Variants in SAMD14 observed in about 807,000 individuals in gnomAD.
The protein encoded by SAMD14 is sterile alpha motif domain-containing protein 14.
Under a neutral mutation model 46.2 loss-of-function variants are expected in SAMD14, and 27 were observed. The observed-to-expected ratio is 0.58, with a 90% CI of 0.43 to 0.81. The LOEUF is 0.81. SAMD14 is among the 30% of genes least tolerant of loss of function. The probability of loss-of-function intolerance (pLI) is 0.00; values close to 1 mark genes in which losing one functional copy is unlikely to be tolerated. For synonymous variants in SAMD14, 241 were observed against 254.3 expected, an observed-to-expected ratio of 0.95 and a Z score of 0.50; for missense variants, 559 against 582.2, an observed-to-expected ratio of 0.96 and a Z score of 0.41.
intron 9 of SAMD14, 185 bp from the exon 10 acceptor site, chr17:50,113,233 G>T: frequency 1.5e-6 from 1 of 645,350 alleles, no homozygotes; most frequent in Non-Finnish European, 2.6e-6. Context: ...AATTTGGAAT[G>T]AGTGTGGTTG....
rs182573434 is a variant in SAMD14, at chr17:50,125,043, G to C, written c.-12-72C>G. On this transcript the variant is annotated intron_variant, in intron 1 of 9. Coordinates refer to ENST00000330175, the MANE Select transcript of SAMD14 (RefSeq NM_001257359.2). ...GAGATTCAGGCTGACCGAGGCAGAA[G>C]AGATGTGGAAGGCTACCTGCTCCAG... 3.5e-6 allele frequency: 5 copies of C among 1,425,418 alleles called. No individual in the cohort carries two copies. In the Admixed American group the frequency reaches 6.8e-5, roughly 19 times the overall value. 88.3% of individuals were successfully genotyped at this position (1,425,418 alleles called of 1,614,324 possible).
chr17:50,125,491 C>T (rs1404500975), intron 1 of SAMD14: 5 of 167,528 alleles, frequency 3.0e-5, no homozygotes, highest in Admixed American at 2.9e-4. Flanking sequence ...CCAGGTTCTA[C>T]CATCCGTCTA....
chr17:50,121,713 G>C (rs1911510243), intron 2 of SAMD14, among the ~76,000 whole-genome samples: 1 of 152,186 alleles, frequency 6.6e-6, no homozygotes, highest in African/African-American at 2.4e-5. Flanking sequence ...ATGCTATTCA[G>C]CTCTCTATTC....
Position 50,112,945 on chromosome 17 carries a change from G to A in SAMD14, c.1202C>T (p.Ala401Val), listed in dbSNP as rs773970879. 1.7e-5 allele frequency: 27 copies of A among 1,609,738 alleles called. No homozygotes were observed. The highest frequency in any genetic ancestry group is 1.6e-4 in the Middle Eastern group (1 of 6,082). The change falls in exon 10 of 10, where the codon GCG becomes GTG. Residue 401 changes from alanine (A) to valine (V), a missense_variant. Transcript: ENST00000330175. ...EKERKAQEKAARQREKLRRRE... is the reference protein window; with the variant it reads ...EKERKAQEKAVRQREKLRRRE... ...GCGCCGGAGCTTCTCCCGCTGCCGC[G>A]CAGCCTTCTCCTGGGCCTTGCGCTC...
In SAMD14 at chr17:50,117,676, C is replaced by A. The variant is rs1276904771; in HGVS notation, c.230G>T (p.Ser77Ile). ...AGGCGAGCGCAGCCGGTGCAGGGGGCTCCCGCAGCCATCGGTCACCTGGAC... is the reference window on the plus strand; with the variant it reads ...AGGCGAGCGCAGCCGGTGCAGGGGGATCCCGCAGCCATCGGTCACCTGGAC... The part of the protein sequence containing the change: ...PGGKVTDGCG[S>I]PLHRLRSPLH... Residue 77 changes from serine to isoleucine, a missense_variant, in exon 4 of 10, where the codon AGC (serine) becomes ATC (isoleucine). Coordinates refer to ENST00000330175, the MANE Select transcript of SAMD14 (RefSeq NM_001257359.2). 56 of 1,472,552 alleles carry A rather than the reference C, an allele frequency of 3.8e-5. No individual in the cohort carries two copies. The highest frequency in any genetic ancestry group is 4.2e-5 in the Non-Finnish European group (47 of 1,119,530). The allele number at this position is 1,472,552 out of a possible 1,614,324, so 91.2% of individuals were successfully genotyped here. A position where few individuals can be genotyped will look rare whatever the true frequency, so the allele number is the denominator to read the frequency against.
At chr17:50,118,670 A>G (rs1911366221) in intron 2 of SAMD14, among the ~76,000 whole-genome samples, 1 of 152,204 alleles carries the variant, frequency 6.6e-6, no homozygotes, top group Admixed American at 6.5e-5. Context: ...GAGGTGGGCA[A>G]AACAGGTATA....
rs572132044 is a variant in SAMD14 at position 50,117,477 on chromosome 17, G to A, written c.429C>T (p.Arg143=). 8.6e-5 allele frequency: 122 copies of A among 1,410,854 alleles called. No homozygotes were observed. The African/African-American group carries it at 1.7e-3, about 19-fold the overall frequency. The allele number at this position is 1,410,854 out of a possible 1,614,324, so 87.4% of individuals were successfully genotyped here. The stretch of plus-strand genomic sequence containing the variant: ...GGGAGCTGTCGGAGGAGGGCGCGGA[G>A]CGCGGCGGAGAGCAGGAGGCGGCGG... The part of the protein sequence containing the change: ...GLAAASCSPP[R]SAPSSDSSPS... The change falls in exon 4 of 10, where the codon CGC becomes CGT. Residue 143 remains arginine, a synonymous_variant. Transcript: ENST00000330175.
rs951644302 is a variant in SAMD14, at chr17:50,125,012, G to C, written c.-12-41C>G. 7.6e-6 allele frequency: 12 copies of C among 1,588,514 alleles called. No homozygotes were observed. In the African/African-American group the frequency reaches 1.6e-4, roughly 21 times the overall value. On this transcript the variant is annotated intron_variant, in intron 1 of 9. Transcript: ENST00000330175. ...GGGGAGAGAAAGAAAAAGAGAGCCT[G>C]GGTTAGAGATTCAGGCTGACCGAGG...
rs115345533 is a variant in SAMD14, at chr17:50,114,808, C to T, written c.823-502G>A. 124 of 173,706 alleles carry T rather than the reference C, an allele frequency of 7.1e-4. 1 individual carries two copies. Among genetic ancestry groups the T allele is most frequent in the African/African-American group, 2.7e-3 (115 of 42,278 alleles). The allele number at this position is 173,706 out of a possible 1,614,324, so 10.8% of individuals were successfully genotyped here. A position where few individuals can be genotyped will look rare whatever the true frequency, so the allele number is the denominator to read the frequency against. On this transcript the variant is annotated intron_variant, in intron 7 of 9. Coordinates refer to ENST00000330175, the MANE Select transcript of SAMD14 (RefSeq NM_001257359.2). ...GGAGGAAAGAAGGAAGTTCCAGGTC[C>T]GAAGGGATTCTTTCTTCCCAGAATT...
intron 4 of SAMD14, among the ~76,000 whole-genome samples, chr17:50,116,554 C>T (rs146786816): frequency 8.1e-4 from 122 of 151,322 alleles, no homozygotes; most frequent in African/African-American, 2.8e-3. Flanking sequence ...TACAGGCGCC[C>T]GCCACCACAC....
chr17:50,117,398 G>A lies in SAMD14; in HGVS notation c.499+9C>T, dbSNP rs1246449913. 1 of 1,296,286 alleles carries A rather than the reference G, an allele frequency of 7.7e-7. No individual in the cohort carries two copies. The highest frequency in any genetic ancestry group is 9.8e-7 in the Non-Finnish European group (1 of 1,024,496). The allele number at this position is 1,296,286 out of a possible 1,614,324, so 80.3% of individuals were successfully genotyped here. On this transcript the variant is annotated intron_variant, in intron 4 of 9. Coordinates refer to ENST00000330175, the MANE Select transcript of SAMD14 (RefSeq NM_001257359.2). Reference sequence around the variant, plus strand: ...ACCAGCAGGAGGTGCGGCGCTGGCCGCCTCTCACCTTCGCTGTGCGGCTCT... The same window carrying A: ...ACCAGCAGGAGGTGCGGCGCTGGCCACCTCTCACCTTCGCTGTGCGGCTCT...
Position 50,115,975 on chromosome 17 carries a change from C to T in SAMD14, c.587+28G>A. ...ACCCCTTACCCCAGCAGCTCCAAGC[C>T]CTGCGATCTAGCCCCGCCTCCACTC... On this transcript the variant is annotated intron_variant, in intron 5 of 9. Coordinates refer to ENST00000330175, the MANE Select transcript of SAMD14 (RefSeq NM_001257359.2). This position sits in a 1 kb window ranked among gnomAD's most constrained non-coding sequence, Gnocchi z 5.3. The T allele has an allele frequency of 1.2e-6, 2 of 1,613,764 alleles. No individual in the cohort carries two copies. Among genetic ancestry groups the T allele is most frequent in the Non-Finnish European group, 1.7e-6 (2 of 1,179,784 alleles).
intron 1 of SAMD14, 192 bp from the exon 2 acceptor site, chr17:50,125,163 G>A: frequency 1.7e-6 from 1 of 579,770 alleles, no homozygotes; most frequent in South Asian, 2.0e-5. Context: ...CGCCGGGGCA[G>A]GCAGTATAGT....
intron 2 of SAMD14, among the ~76,000 whole-genome samples, chr17:50,118,808 CACTT>C (rs745579599): frequency 9.2e-5 from 14 of 152,172 alleles, no homozygotes; most frequent in East Asian, 1.9e-4. Context: ...ATTTAAGAAA[CACTT>C]ACTACACACC....
intron 1 of SAMD14, among the ~76,000 whole-genome samples, chr17:50,127,510 A>G (rs958318307): frequency 2.6e-5 from 4 of 152,106 alleles, no homozygotes; most frequent in Admixed American, 1.3e-4. Context: ...CAGAGGCAGG[A>G]GAATCGCTTG....
At chr17:50,124,773 A>ACGCGCGCG in intron 2 of SAMD14, 144 bp downstream of exon 2, 1 of 336,670 alleles carries the variant, frequency 3.0e-6, no homozygotes, top group Admixed American at 4.5e-5. Context: ...GCGCGCGCGC[A>ACGCGCGCG]CACACACACA....
chr17:50,126,717 C>T (rs1404057278), intron 1 of SAMD14, among the ~76,000 whole-genome samples: 1 of 152,198 alleles, frequency 6.6e-6, no homozygotes, highest in Non-Finnish European at 1.5e-5. Context: ...GCTTATAATC[C>T]TAGCTACTCA....
At chr17:50,127,273 G>A (rs1911823325) in intron 1 of SAMD14, among the ~76,000 whole-genome samples, 1 of 152,138 alleles carries the variant, frequency 6.6e-6, no homozygotes, top group Admixed American at 6.5e-5. Flanking sequence ...AGGGAGGGAA[G>A]CTGCTCCACA....
intron 7 of SAMD14, 65 bp from the exon 8 acceptor site, chr17:50,114,371 T>G (rs758476921): frequency 6.2e-7 from 1 of 1,613,846 alleles, no homozygotes; most frequent in South Asian, 1.1e-5. Flanking sequence ...CCTATCTGGG[T>G]GGAGCCGAAG....
Sources: allele counts gnomAD v4.1 joint callset (sites outside exome capture counted in the v4.1 genomes callset), GRCh38; gene constraint gnomAD v4.1.1; non-coding constraint Gnocchi (gnomAD v3.1); transcripts MANE v1.5; gene names NCBI Gene and HGNC (gene_info 2026-07-23, HGNC 2026-07-21).